Variants in ADGRG1 observed in about 807,000 individuals in gnomAD.
The protein encoded by ADGRG1 is 7-transmembrane protein with no EGF-like N-terminal domains-1.
ADGRG1 carries 53 observed loss-of-function variants against 73.5 expected under a neutral mutation model. The ratio of observed to expected loss-of-function variants is 0.72; its 90% confidence interval spans 0.58 to 0.91. ADGRG1 has a LOEUF of 0.91. Ranked by LOEUF, ADGRG1 falls within the 40% of genes least tolerant of loss-of-function variation. ADGRG1 has a pLI of 0.00. For missense variants in ADGRG1, 795 were observed against 871.8 expected (o/e 0.91, Z 1.11); for synonymous variants, 394 against 374.4 (o/e 1.05, Z -0.60).
intron 13 of ADGRG1, 52 bp downstream of exon 13, chr16:57,662,017 A>C: frequency 3.5e-6 from 5 of 1,418,512 alleles, no homozygotes; most frequent in Non-Finnish European, 5.0e-6. Context: ...CACATGGAGC[A>C]AGGGCAGGGA....
chr16:57,660,370 C>A, intron 11 of ADGRG1: 1 of 984,972 alleles, frequency 1.0e-6, no homozygotes, highest in Non-Finnish European at 1.2e-6. Context: ...CTCTAGGGAG[C>A]TTCTAATCTC....
At chr16:57,654,590 C>A (rs1476784886) in intron 5 of ADGRG1, among the ~76,000 whole-genome samples, 1 of 152,154 alleles carries the variant, frequency 6.6e-6, no homozygotes, top group East Asian at 1.9e-4. Flanking sequence ...TTAAAAAATT[C>A]TTTGCAAGGC....
At chr16:57,655,325 G>GTA in intron 5 of ADGRG1, 74 bp from the exon 6 acceptor site, 1 of 1,597,988 alleles carries the variant, frequency 6.3e-7, no homozygotes, top group Non-Finnish European at 8.5e-7. Flanking sequence ...ATGGGTGTGT[G>GTA]TGTGTGTGTG....
At chr16:57,661,172 C>T in intron 12 of ADGRG1, 2 of 530,010 alleles carry the variant, frequency 3.8e-6, no homozygotes, top group Non-Finnish European at 4.8e-6. Context: ...CCACATTCCT[C>T]AGCAGCACCT....
chr16:57,660,514 C>A, intron 11 of ADGRG1: 1 of 739,044 alleles, frequency 1.4e-6, no homozygotes, highest in Non-Finnish European at 1.7e-6. Flanking sequence ...ACAGGCCTTT[C>A]TCCCAGGGGC....
Position 57,665,018 on chromosome 16 carries a change from C to T in ADGRG1, c.*1436C>T, listed in dbSNP as rs1477245948. The T allele has an allele frequency of 6.6e-6, 1 of 152,424 alleles. No individual in the cohort carries two copies. The highest frequency in any genetic ancestry group is 1.9e-4 in the East Asian group (1 of 5,200). The allele number at this position is 152,424 out of a possible 1,614,324, so 9.4% of individuals were successfully genotyped here. On this transcript the variant is annotated 3_prime_UTR_variant, in exon 14 of 14. Coordinates refer to ENST00000562631, the MANE Select transcript of ADGRG1 (RefSeq NM_201525.4). ...AAAAATAAAAATCAGCTGTTGTAAT[C>T]ACCTAGCAAACTGGCGTAAGCATTT...
At chr16:57,642,600 G>C (rs2041137179) in intron 1 of ADGRG1, 4 of 976,798 alleles carry the variant, frequency 4.1e-6, no homozygotes, top group Non-Finnish European at 4.9e-6. Flanking sequence ...CAGAGCCTTT[G>C]ATATGCTAAT....
chr16:57,646,438 T>A, intron 1 of ADGRG1: 4 of 985,544 alleles, frequency 4.1e-6, no homozygotes, highest in South Asian at 4.7e-5. Context: ...AACCCCATGA[T>A]GTGGCCCCCA....
chr16:57,650,410 C>T (rs1184055527), intron 2 of ADGRG1, 59 bp downstream of exon 2: 3 of 1,610,756 alleles, frequency 1.9e-6, no homozygotes, highest in Non-Finnish European at 2.5e-6. Flanking sequence ...GCCCCTGTGC[C>T]TAGGGTGGCT....
chr16:57,622,123 T>TA (rs5817102), intron 2 of ADGRG1: 16,043 of 118,848 alleles, frequency 0.13, 1,151 homozygotes, highest in East Asian at 0.36. Flanking sequence ...ATCCCGTCTC[T>TA]AAAAAAAAAA....
At position 57,650,246 on chromosome 16, in the gene ADGRG1, C is replaced by T. The variant is rs2043711055; in HGVS notation, c.-35-7C>T. 5 of 1,600,402 alleles carry T rather than the reference C, an allele frequency of 3.1e-6. No individual in the cohort carries two copies. The highest frequency in any genetic ancestry group is 2.7e-5 in the African/African-American group (2 of 74,664). ...CACTCCCAGCTAACACTCCTGGTCT[C>T]TTCCAGGTGGTGACTTCCAAGAGTG... On this transcript the variant is annotated splice_polypyrimidine_tract_variant and splice_region_variant and intron_variant, in intron 1 of 13. Transcript: ENST00000562631.
intron 1 of ADGRG1, 81 bp downstream of exon 1, chr16:57,628,883 TGA>T (rs72102673): frequency 0.027 from 24,129 of 881,362 alleles, 1,265 homozygotes; most frequent in African/African-American, 0.092. Context: ...CGTGAGTGTG[TGA>T]GAGTGTGAGT....
rs7203023 is a variant in ADGRG1 at position 57,655,247 on chromosome 16, A to T, written c.769-152A>T. 1.4e-3 allele frequency: 2,221 copies of T among 1,550,614 alleles called. 27 individuals carry two copies. The African/African-American group carries it at 0.027, about 19-fold the overall frequency. On this transcript the variant is annotated intron_variant, in intron 5 of 13. Coordinates refer to ENST00000562631, the MANE Select transcript of ADGRG1 (RefSeq NM_201525.4). ...GGTAGCAGGGAAGGGAGGGATGAGG[A>T]GGGCTGTCATGAGTCAGGCTTGACT...
At chr16:57,644,541 GCA>G (rs1329818200) in intron 1 of ADGRG1, among the ~76,000 whole-genome samples, 3 of 116,138 alleles carry the variant, frequency 2.6e-5, no homozygotes, top group South Asian at 2.9e-4. Context: ...ACATGCGCAG[GCA>G]CACACATGCA....
chr16:57,630,135 C>A, intron 1 of ADGRG1: 1 of 564,112 alleles, frequency 1.8e-6, no homozygotes, highest in Non-Finnish European at 2.2e-6. Context: ...AATAAGGTAT[C>A]TCAGAACTCG....
At chr16:57,633,120 T>C in intron 1 of ADGRG1, 1 of 325,964 alleles carries the variant, frequency 3.1e-6, no homozygotes, top group South Asian at 1.2e-4. Context: ...CTGCCAAAGA[T>C]GACAGCTTCT....
At position 57,655,970 on chromosome 16, in the gene ADGRG1, C is replaced by T. The variant is rs1322571860; in HGVS notation, c.995C>T (p.Thr332Ile). The T allele has an allele frequency of 6.2e-7, 1 of 1,614,018 alleles. No individual in the cohort carries two copies. The highest frequency in any genetic ancestry group is 1.7e-5 in the Admixed American group (1 of 60,020). Residue 332 changes from threonine (T) to isoleucine (I), a missense_variant, in exon 7 of 14, where the codon ACT becomes ATT. Coordinates refer to ENST00000562631, the MANE Select transcript of ADGRG1 (RefSeq NM_201525.4). ...AACCTCACGGAGCCCGTGGTGCTCA[C>T]TTTCCAGCACCAGCTACAGCCGGTG... is the stretch of plus-strand genomic sequence containing the variant. ...VANLTEPVVL[T>I]FQHQLQPKNV...
chr16:57,636,629 G>C, intron 1 of ADGRG1: 1 of 984,842 alleles, frequency 1.0e-6, no homozygotes, highest in Non-Finnish European at 1.2e-6. Flanking sequence ...TATCAGGAAT[G>C]GCTATCTAGT....
chr16:57,643,886 G>A, intron 1 of ADGRG1: 3 of 970,616 alleles, frequency 3.1e-6, no homozygotes, highest in Non-Finnish European at 3.7e-6. Context: ...CATGGGTGCG[G>A]CTGAGGGGTG....
Sources: allele counts gnomAD v4.1 joint callset (sites outside exome capture counted in the v4.1 genomes callset), GRCh38; gene constraint gnomAD v4.1.1; transcripts MANE v1.5; gene names NCBI Gene and HGNC (gene_info 2026-07-23, HGNC 2026-07-21).